The following ZFHX3 variants were observed in gnomAD, a reference collection of about 807,000 sequenced individuals.
The protein encoded by ZFHX3 is zinc finger homeobox protein 3.
ZFHX3 carries 42 observed loss-of-function variants against 279.1 expected under a neutral mutation model. The ratio of observed to expected loss-of-function variants is 0.15; its 90% CI spans 0.12 to 0.19. ZFHX3 has a LOEUF of 0.19. ZFHX3 is among the 10% of genes least tolerant of loss of function. The pLI is 1.00. For missense variants in ZFHX3, 4,981 were observed against 4,754.0 expected (o/e 1.05, Z -1.40); for synonymous variants, 2,293 against 1,957.8 (o/e 1.17, Z -4.52).
intron 3 of ZFHX3, among the ~76,000 whole-genome samples, chr16:73,327,575 A>C (rs2015716949): frequency 6.6e-6 from 1 of 152,226 alleles, no homozygotes; most frequent in South Asian, 2.1e-4. Context: ...TGGCAGATGA[A>C]TGAAAGATGC....
intron 5 of ZFHX3, among the ~76,000 whole-genome samples, chr16:73,172,930 G>GT (rs1567409477): frequency 8.6e-5 from 9 of 104,990 alleles, no homozygotes; most frequent in Non-Finnish European, 1.2e-4. Flanking sequence ...GGCTGCCTGT[G>GT]GTTTTTTTTT....
chr16:73,325,196 G>A (rs1010543163), intron 3 of ZFHX3, among the ~76,000 whole-genome samples: 1 of 152,098 alleles, frequency 6.6e-6, no homozygotes, highest in African/African-American at 2.4e-5. Flanking sequence ...CATGAGGATG[G>A]GGAGAGGTGG....
chr16:73,071,461 T>TGCC (rs1784956363), intron 8 of ZFHX3, among the ~76,000 whole-genome samples: 1 of 149,942 alleles, frequency 6.7e-6, no homozygotes, highest in Non-Finnish European at 1.5e-5. Flanking sequence ...TTTTCTCTGC[T>TGCC]GCTGCTGCTG....
chr16:73,791,889 C>A (rs376263574), intron 1 of ZFHX3, among the ~76,000 whole-genome samples: 52 of 152,266 alleles, frequency 3.4e-4, no homozygotes, highest in African/African-American at 1.2e-3. Flanking sequence ...CTTCTCCAGG[C>A]CTTTCAAAGT....
chr16:73,877,894 C>CA (rs2030005949), intron 1 of ZFHX3, among the ~76,000 whole-genome samples: 1 of 151,828 alleles, frequency 6.6e-6, no homozygotes, highest in Admixed American at 6.6e-5. Context: ...CAACTCCCCC[C>CA]AAAAAAGAAA....
chr16:72,839,138 A>T (rs1243132566), intron 4 of ZFHX3, among the ~76,000 whole-genome samples: 1 of 152,120 alleles, frequency 6.6e-6, no homozygotes, highest in African/African-American at 2.4e-5. Context: ...TCTGTAGCAG[A>T]GCGTGATGTG....
chr16:73,546,680 C>CTGT (rs1192371059), intron 2 of ZFHX3, among the ~76,000 whole-genome samples: 4 of 33,084 alleles, frequency 1.2e-4, no homozygotes, highest in Non-Finnish European at 1.4e-4. Context: ...GTTGCTGCTG[C>CTGT]TGCTGCTGCT....
chr16:72,978,171 T>A (rs941639626), intron 1 of ZFHX3, among the ~76,000 whole-genome samples: 1 of 152,146 alleles, frequency 6.6e-6, no homozygotes, highest in Non-Finnish European at 1.5e-5. Context: ...AGCCTGGGAT[T>A]TTTTTTCTTT....
rs574833556 is a variant in ZFHX3, at chr16:73,257,840, G to A, written c.-1193-704C>T. 5.3e-5 allele frequency among the ~76,000 whole-genome samples: 8 copies of A among 152,378 alleles called. No individual in the cohort carries two copies. In the East Asian group the frequency reaches 1.4e-3, roughly 26 times the overall value. ...TACAGGCAAGAGCACTTAAGTGGGA[G>A]TAAAGTGGCCTGGGTCAAGTTCTGG... On this transcript the variant is annotated intron_variant, in intron 4 of 17. Transcript: ENST00000641206.
chr16:73,278,794 C>G (rs1448715079), intron 4 of ZFHX3, among the ~76,000 whole-genome samples: 1 of 152,126 alleles, frequency 6.6e-6, no homozygotes, highest in East Asian at 1.9e-4. Context: ...GTGCATTTTA[C>G]AATCCTCTTG....
intron 5 of ZFHX3, among the ~76,000 whole-genome samples, chr16:73,158,440 C>T (rs969651771): frequency 6.6e-6 from 1 of 152,076 alleles, no homozygotes; most frequent in African/African-American, 2.4e-5. Context: ...TTCTTCTCTT[C>T]CCTTCCTTCC....
chr16:73,756,533 T>C (rs971466537), intron 1 of ZFHX3, among the ~76,000 whole-genome samples: 1 of 152,142 alleles, frequency 6.6e-6, no homozygotes, highest in African/African-American at 2.4e-5. Context: ...CACAGGCAGA[T>C]TGATCCTCCT....
At chr16:72,975,090 G>A (rs1962292997) in intron 1 of ZFHX3, among the ~76,000 whole-genome samples, 1 of 152,164 alleles carries the variant, frequency 6.6e-6, no homozygotes, top group African/African-American at 2.4e-5. Flanking sequence ...ACTGAAGGGG[G>A]CATGGATTCT....
chr16:73,284,769 A>G (rs1220905859), intron 4 of ZFHX3, among the ~76,000 whole-genome samples: 3 of 152,148 alleles, frequency 2.0e-5, no homozygotes, highest in African/African-American at 4.8e-5. Flanking sequence ...TATTTTTTCA[A>G]TATTATGACC....
intron 1 of ZFHX3, among the ~76,000 whole-genome samples, chr16:73,737,237 G>A (rs558771943): frequency 6.6e-6 from 1 of 152,140 alleles, no homozygotes; most frequent in African/African-American, 2.4e-5. Context: ...GGGTCTTGCT[G>A]TGTTGCCCAG....
intron 2 of ZFHX3, among the ~76,000 whole-genome samples, chr16:73,484,665 C>A (rs1364835800): frequency 2.0e-5 from 3 of 152,170 alleles, no homozygotes; most frequent in Non-Finnish European, 4.4e-5. Context: ...AGTAAAGGAC[C>A]AATACTTCCC....
At chr16:73,681,815 C>T (rs1195072823) in intron 1 of ZFHX3, among the ~76,000 whole-genome samples, 1 of 152,176 alleles carries the variant, frequency 6.6e-6, no homozygotes, top group Non-Finnish European at 1.5e-5. Flanking sequence ...GAAGGGTAGG[C>T]TTGCATTTCT....
intron 5 of ZFHX3, among the ~76,000 whole-genome samples, chr16:73,172,288 C>T (rs1480854066): frequency 6.6e-6 from 1 of 152,236 alleles, no homozygotes; most frequent in Non-Finnish European, 1.5e-5. Context: ...GGCCCTGAAA[C>T]TGACCAGCTC....
chr16:73,546,507 G>A (rs1439091522), intron 2 of ZFHX3, among the ~76,000 whole-genome samples: 2 of 151,494 alleles, frequency 1.3e-5, no homozygotes, highest in Non-Finnish European at 2.9e-5. Context: ...GGGGGGCGGG[G>A]GCGGGTAGGA....
Sources: gnomAD v4.1 joint callset for allele counts (sites outside exome capture counted in the v4.1 genomes callset) on GRCh38, gnomAD v4.1.1 for gene constraint, MANE v1.5 for transcripts, NCBI Gene and HGNC (gene_info 2026-07-23, HGNC 2026-07-21) for gene names.